MIS18BP1: variants seen among roughly 807,000 people sequenced by gnomAD.
The protein encoded by MIS18BP1 is mis18-binding protein 1.
Under a neutral mutation model 116.1 loss-of-function variants are expected in MIS18BP1, and 72 were observed. That is an observed-to-expected ratio of 0.62 (90% confidence interval 0.51 to 0.75). The LOEUF (loss-of-function observed/expected upper bound fraction) is 0.75. MIS18BP1 is among the 30% of genes least tolerant of loss of function. The pLI is 0.00. For missense variants in MIS18BP1, 1,363 were observed against 1,303.2 expected, an observed-to-expected ratio of 1.05 and a Z score of -0.71; for synonymous variants, 386 against 427.0, an observed-to-expected ratio of 0.90 and a Z score of 1.18.
chr14:45,247,408 ATGCTT>A, intron 1 of MIS18BP1, 31 bp from the exon 2 acceptor site: 1 of 734,908 alleles, frequency 1.4e-6, no homozygotes, highest in Non-Finnish European at 2.1e-6. Flanking sequence ...AGCCTTTATC[ATGCTT>A]TGGTGCAGAA....
At position 45,232,725 on chromosome 14, in the gene MIS18BP1, C is replaced by G. The variant is rs1306236595; in HGVS notation, c.1436+8G>C. ...GTTGACTTCTAAAAACATAAAACAA[C>G]ATTTTACCTTAATTGTTCCAGAAAA... On this transcript the variant is annotated splice_region_variant and intron_variant, in intron 7 of 16. Coordinates refer to ENST00000310806, the MANE Select transcript of MIS18BP1 (RefSeq NM_018353.5). 7.2e-7 allele frequency: 1 copy of G among 1,386,272 alleles called. No homozygotes were observed. Among genetic ancestry groups the G allele is most frequent in the Admixed American group, 2.2e-5 (1 of 44,990 alleles). The allele number at this position is 1,386,272 out of a possible 1,614,324, so 85.9% of individuals were successfully genotyped here. A position where few individuals can be genotyped will look rare whatever the true frequency, so the allele number is the denominator to read the frequency against.
intron 14 of MIS18BP1, among the ~76,000 whole-genome samples, chr14:45,209,002 T>C (rs540198174): frequency 3.3e-5 from 5 of 152,144 alleles, no homozygotes; most frequent in Admixed American, 6.5e-5. Flanking sequence ...CCCCTACTTT[T>C]TTCTTAATTT....
Position 45,237,640 on chromosome 14 carries a change from A to G in MIS18BP1, c.1217+8T>C. On this transcript the variant is annotated splice_region_variant and intron_variant, in intron 5 of 16. Coordinates refer to ENST00000310806, the MANE Select transcript of MIS18BP1 (RefSeq NM_018353.5). ...TTTATTAAAAGAATAATGAAATAGT[A>G]TACTTACATCAATTTTCCTTCTACA... The G allele has an allele frequency of 1.3e-6, 2 of 1,591,448 alleles. No individual in the cohort carries two copies. The highest frequency in any genetic ancestry group is 1.7e-6 in the Non-Finnish European group (2 of 1,172,878).
At chr14:45,231,501 G>T (rs961785674) in intron 7 of MIS18BP1, 1 of 440,072 alleles carries the variant, frequency 2.3e-6, no homozygotes, top group Admixed American at 3.9e-5. Flanking sequence ...TAAGTCAGAG[G>T]ACTCAAATAT....
At chr14:45,209,312 T>C (rs1233398171) in intron 14 of MIS18BP1, among the ~76,000 whole-genome samples, 2 of 152,040 alleles carry the variant, frequency 1.3e-5, no homozygotes, top group African/African-American at 4.8e-5. Context: ...ATAATAGCAA[T>C]AAAAAATATC....
At position 45,210,532 on chromosome 14, in the gene MIS18BP1, G is replaced by A. The variant is rs1356985214; in HGVS notation, c.3004-4C>T. On this transcript the variant is annotated splice_polypyrimidine_tract_variant and splice_region_variant and intron_variant, in intron 13 of 16. Coordinates refer to ENST00000310806, the MANE Select transcript of MIS18BP1 (RefSeq NM_018353.5). ...CACTGTCCTGGAAACTTGGCAACTA[G>A]AAAACAAGTATTTATTATCAGCAGG... 6.2e-7 allele frequency: 1 copy of A among 1,613,584 alleles called. No homozygotes were observed. Among genetic ancestry groups the A allele is most frequent in the African/African-American group, 1.3e-5 (1 of 75,004 alleles).
chr14:45,228,975 A>C (rs984144295), intron 8 of MIS18BP1, among the ~76,000 whole-genome samples: 3 of 152,202 alleles, frequency 2.0e-5, no homozygotes, highest in African/African-American at 7.2e-5. Flanking sequence ...ATAATAATAA[A>C]ATTAATAACA....
chr14:45,241,118 A>T (rs1891563537), intron 4 of MIS18BP1, among the ~76,000 whole-genome samples: 1 of 152,162 alleles, frequency 6.6e-6, no homozygotes, highest in Non-Finnish European at 1.5e-5. Context: ...ATTAATTATT[A>T]ATTAAAATTT....
At chr14:45,211,008 G>A (rs1019457079) in intron 13 of MIS18BP1, among the ~76,000 whole-genome samples, 8 of 152,138 alleles carry the variant, frequency 5.3e-5, no homozygotes, top group Non-Finnish European at 7.3e-5. Context: ...GCCTGTAACC[G>A]AGTAGCGTGG....
At chr14:45,230,421 A>G (rs964661552) in intron 8 of MIS18BP1, among the ~76,000 whole-genome samples, 8 of 152,160 alleles carry the variant, frequency 5.3e-5, no homozygotes, top group Admixed American at 2.0e-4. Flanking sequence ...CTTGAATTCC[A>G]TTTCTTCCAT....
intron 5 of MIS18BP1, 140 bp from the exon 6 acceptor site, chr14:45,236,084 A>C: frequency 2.6e-6 from 2 of 781,266 alleles, no homozygotes; most frequent in Non-Finnish European, 4.0e-6. Context: ...CAAACATTAC[A>C]GCAGAACTCA....
intron 6 of MIS18BP1, among the ~76,000 whole-genome samples, chr14:45,234,623 G>C (rs1417244656): frequency 6.6e-6 from 1 of 152,164 alleles, no homozygotes; most frequent in Non-Finnish European, 1.5e-5. Flanking sequence ...AAAATATGAA[G>C]GAGTCATCAG....
Position 45,231,056 on chromosome 14 carries a change from A to T in MIS18BP1, c.1594+85T>A, listed in dbSNP as rs979910481. ...AGAATACTATACTATACACATTACT[A>T]CTATACACATTATAAACCATAAACA... On this transcript the variant is annotated intron_variant, in intron 8 of 16. Coordinates refer to ENST00000310806, the MANE Select transcript of MIS18BP1 (RefSeq NM_018353.5). 6 of 1,409,986 alleles carry T rather than the reference A, an allele frequency of 4.3e-6. No individual in the cohort carries two copies. In the African/African-American group the frequency reaches 8.6e-5, roughly 20 times the overall value. 87.3% of individuals were successfully genotyped at this position (1,409,986 alleles called of 1,614,324 possible).
At chr14:45,239,123 C>T (rs1891506346) in intron 4 of MIS18BP1, among the ~76,000 whole-genome samples, 1 of 152,054 alleles carries the variant, frequency 6.6e-6, no homozygotes, top group Admixed American at 6.6e-5. Flanking sequence ...TATAAGATAT[C>T]AAAATGTTCA....
intron 6 of MIS18BP1, among the ~76,000 whole-genome samples, chr14:45,235,406 C>A (rs951345978): frequency 1.3e-5 from 2 of 151,662 alleles, no homozygotes; most frequent in Non-Finnish European, 2.9e-5. Context: ...ACAGGACCAG[C>A]CTGGTGAAAC....
rs1354654685 is a variant in MIS18BP1, at chr14:45,242,074, C to G, written c.1103G>C (p.Arg368Thr). ...TCCATTTGTAACAGTTTGAAATATTCTTGGAGGAGAAAGCTTTGAAATATT... is the reference window on the plus strand; with the variant it reads ...TCCATTTGTAACAGTTTGAAATATTGTTGGAGGAGAAAGCTTTGAAATATT... Reference protein sequence around the residue: ...KRNISKLSPPRIFQTVTNGLK... With the variant: ...KRNISKLSPPTIFQTVTNGLK... Residue 368 changes from arginine (R) to threonine (T), a missense_variant, in exon 4 of 17, where the codon AGA (arginine) becomes ACA (threonine). Physicochemically the swap from Arg to Thr is moderately conservative, Grantham distance 71 (BLOSUM62 -1). Transcript: ENST00000310806. 1.2e-6 allele frequency: 2 copies of G among 1,612,764 alleles called. No individual in the cohort carries two copies. Among genetic ancestry groups the G allele is most frequent in the Non-Finnish European group, 1.7e-6 (2 of 1,179,578 alleles).
At chr14:45,225,309 G>A (rs143198728) in intron 10 of MIS18BP1, among the ~76,000 whole-genome samples, 29 of 152,032 alleles carry the variant, frequency 1.9e-4, no homozygotes, top group African/African-American at 5.1e-4. Context: ...AGTGAGACAT[G>A]TATTATAATT....
At chr14:45,204,899 G>A (rs1890470914) in intron 15 of MIS18BP1, among the ~76,000 whole-genome samples, 1 of 151,926 alleles carries the variant, frequency 6.6e-6, no homozygotes, top group African/African-American at 2.4e-5. Flanking sequence ...ACTAATTACT[G>A]TATTACTTTT....
At chr14:45,221,925 T>A (rs1890987461) in intron 11 of MIS18BP1, among the ~76,000 whole-genome samples, 1 of 152,240 alleles carries the variant, frequency 6.6e-6, no homozygotes, top group Non-Finnish European at 1.5e-5. Flanking sequence ...TTTGAGGTTT[T>A]ATTGTCAGGT....
Sources: allele counts gnomAD v4.1 joint callset (sites outside exome capture counted in the v4.1 genomes callset), GRCh38; gene constraint gnomAD v4.1.1; transcripts MANE v1.5; gene names NCBI Gene and HGNC (gene_info 2026-07-23, HGNC 2026-07-21).